The following SNX24 variants were observed in gnomAD, a reference collection of about 807,000 sequenced individuals.
The protein encoded by SNX24 is sorting nexin-24.
A neutral mutation model predicts 28.7 loss-of-function variants in SNX24; 22 were observed. The observed-to-expected ratio is 0.77, with a 90% CI of 0.55 to 1.10. The LOEUF (loss-of-function observed/expected upper bound fraction) is 1.10, where lower values mean the gene tolerates loss of function less well. SNX24 is among the 50% of genes least tolerant of loss of function. The pLI is 0.00. For synonymous variants in SNX24, 69 were observed against 71.5 expected (o/e 0.96, Z 0.18); for missense variants, 221 against 201.1 (o/e 1.10, Z -0.60).
downstream of SNX24, among the ~76,000 whole-genome samples, chr5:123,011,234 A>C (rs1231032883): frequency 6.6e-6 from 1 of 152,154 alleles, no homozygotes; most frequent in Non-Finnish European, 1.5e-5. Flanking sequence ...ATTACCACTT[A>C]AGTCAGGATG....
chr5:123,000,774 T>G (rs1762218973), intron 4 of SNX24, among the ~76,000 whole-genome samples: 1 of 152,156 alleles, frequency 6.6e-6, no homozygotes, highest in Admixed American at 6.5e-5. Context: ...ACTGTATCCA[T>G]TTACAGGGGA....
chr5:122,981,560 C>G (rs528183441), intron 3 of SNX24, among the ~76,000 whole-genome samples: 2 of 152,300 alleles, frequency 1.3e-5, no homozygotes, highest in East Asian at 3.9e-4. Context: ...TTATAACAGC[C>G]TCAATATTTG....
chr5:122,944,437 TC>T lies in SNX24; in HGVS notation c.145-1613del, dbSNP rs796693657. Among the ~76,000 whole-genome samples the T allele has an allele frequency of 1.6e-3, 18 of 11,144 alleles. No homozygotes were observed. The African/African-American group carries it at 0.019, about 12-fold the overall frequency. 7.3% of individuals were successfully genotyped at this position (11,144 alleles called of 152,430 possible). ...CTCTGAATGACATTGATTTTTTTTTTCCCCCAAAAAAAGAAGGAGGAAATGA... is the reference window on the plus strand; with the variant it reads ...CTCTGAATGACATTGATTTTTTTTTTCCCCAAAAAAAGAAGGAGGAAATGA... On this transcript the variant is annotated intron_variant, in intron 2 of 6. Transcript: ENST00000261369.
chr5:122,912,728 A>G (rs1181433479), intron 1 of SNX24, among the ~76,000 whole-genome samples: 1 of 145,822 alleles, frequency 6.9e-6, no homozygotes, highest in African/African-American at 2.5e-5. Context: ...TGAGATAATC[A>G]TGTGGGTTTT....
chr5:122,889,252 C>T lies in SNX24; in HGVS notation c.60+43559C>T, dbSNP rs541573972. Among the ~76,000 whole-genome samples, 5 of 152,268 alleles carry T rather than the reference C, an allele frequency of 3.3e-5. 1 individual carries two copies. Among genetic ancestry groups the T allele is most frequent in the African/African-American group, 1.2e-4 (5 of 41,556 alleles). On this transcript the variant is annotated intron_variant, in intron 1 of 6. Coordinates refer to ENST00000261369, the MANE Select transcript of SNX24 (RefSeq NM_014035.4). ...ATTCTCAGCATTCCTCAATTTTTAA[C>T]ATCTTTCCACTTTTGCTTTATTATT...
At chr5:122,851,164 G>C (rs1754900750) in intron 1 of SNX24, among the ~76,000 whole-genome samples, 1 of 152,046 alleles carries the variant, frequency 6.6e-6, no homozygotes, top group South Asian at 2.1e-4. Context: ...GAGTTTTTTG[G>C]TTTTGTTTTT....
chr5:122,987,490 A>C (rs1298487157), intron 3 of SNX24, among the ~76,000 whole-genome samples: 1 of 152,262 alleles, frequency 6.6e-6, no homozygotes, highest in South Asian at 2.1e-4. Context: ...TTAAAGTGAA[A>C]CCAGTCTTTT....
At position 122,999,924 on chromosome 5, in the gene SNX24, G is replaced by C. The variant is rs965533014; in HGVS notation, c.262G>C (p.Glu88Gln). 1.9e-6 allele frequency: 3 copies of C among 1,608,242 alleles called. No individual in the cohort carries two copies. Among genetic ancestry groups the C allele is most frequent in the Non-Finnish European group, 2.6e-6 (3 of 1,174,694 alleles). The change falls in exon 4 of 7, where the codon GAA (glutamate) becomes CAA (glutamine). Residue 88 changes from glutamate (E) to glutamine (Q), a missense_variant. Coordinates refer to ENST00000261369, the MANE Select transcript of SNX24 (RefSeq NM_014035.4). ...LETYLQAVIL[E>Q]NEELPKLFLD... is the part of the protein sequence containing the mutation. ...TCTGCTTTCACAGGCTGTCATTTTA[G>C]AAAATGAAGAACTTCCCAAACTGTT...
intron 3 of SNX24, among the ~76,000 whole-genome samples, chr5:122,962,415 G>T (rs1290292028): frequency 9.9e-5 from 15 of 152,136 alleles, no homozygotes; most frequent in Admixed American, 9.8e-4. Flanking sequence ...ACCTTTAAAT[G>T]ATATGTACTT....
intron 1 of SNX24, among the ~76,000 whole-genome samples, chr5:122,899,908 A>T (rs1190063163): frequency 6.6e-6 from 1 of 152,202 alleles, no homozygotes; most frequent in African/African-American, 2.4e-5. Flanking sequence ...AAACCCAAGG[A>T]CTTTAGTAGA....
intron 3 of SNX24, among the ~76,000 whole-genome samples, chr5:122,977,400 G>A (rs887605076): frequency 1.6e-4 from 24 of 148,990 alleles, no homozygotes; most frequent in Admixed American, 4.1e-4. Flanking sequence ...CCCTTCTGTG[G>A]ACTGAGATGT....
intron 1 of SNX24, among the ~76,000 whole-genome samples, chr5:122,914,528 G>T (rs1354180624): frequency 8.6e-5 from 13 of 150,768 alleles, no homozygotes; most frequent in African/African-American, 2.4e-4. Context: ...TCTGGTCCTG[G>T]ACTCTTTTTG....
intron 6 of SNX24, among the ~76,000 whole-genome samples, chr5:123,007,337 T>A (rs1016404906): frequency 6.6e-6 from 1 of 152,222 alleles, no homozygotes; most frequent in African/African-American, 2.4e-5. Flanking sequence ...TATATTGAGA[T>A]TTTGTTAGAA....
intron 5 of SNX24, chr5:123,023,790 T>G: frequency 1.5e-6 from 2 of 1,302,440 alleles, no homozygotes; most frequent in Non-Finnish European, 2.0e-6. Context: ...AAAAAGCAAA[T>G]AATTGAAAGA....
At chr5:122,992,997 T>A (rs1040236852) in intron 3 of SNX24, among the ~76,000 whole-genome samples, 4 of 151,570 alleles carry the variant, frequency 2.6e-5, no homozygotes, top group Admixed American at 2.6e-4. Context: ...TTAAGCCAAA[T>A]TATATTATTT....
At chr5:123,018,765 C>T (rs1443044478) in intron 5 of SNX24, among the ~76,000 whole-genome samples, 2 of 151,984 alleles carry the variant, frequency 1.3e-5, no homozygotes, top group South Asian at 2.1e-4. Flanking sequence ...CGGCTCACTG[C>T]AACCTCCGCC....
At chr5:123,005,846 C>T (rs771804488) in intron 6 of SNX24, among the ~76,000 whole-genome samples, 7 of 152,110 alleles carry the variant, frequency 4.6e-5, no homozygotes, top group African/African-American at 7.2e-5. Flanking sequence ...GCCTATCACA[C>T]GCTTTCAAAG....
At chr5:122,949,902 T>C (rs1325371452) in intron 3 of SNX24, among the ~76,000 whole-genome samples, 1 of 152,166 alleles carries the variant, frequency 6.6e-6, no homozygotes. Flanking sequence ...GAAGTTATAT[T>C]TGGCATTTGA....
At chr5:123,012,671 C>A (rs541655291), downstream of SNX24, among the ~76,000 whole-genome samples, 2 of 152,144 alleles carry the variant, frequency 1.3e-5, no homozygotes, top group African/African-American at 2.4e-5. Flanking sequence ...TATATTTTAC[C>A]ACAATAAAAA....
Sources: gnomAD v4.1 joint callset for allele counts (sites outside exome capture counted in the v4.1 genomes callset) on GRCh38, gnomAD v4.1.1 for gene constraint, MANE v1.5 for transcripts, NCBI Gene and HGNC (gene_info 2026-07-23, HGNC 2026-07-21) for gene names.